Variants in PCYOX1 observed in about 807,000 individuals in gnomAD.
PCYOX1 encodes prenylcysteine lyase.
In PCYOX1, 46 loss-of-function variants were observed where a neutral mutation model predicts 46.4. The ratio of observed to expected loss-of-function variants is 0.99; its 90% confidence interval spans 0.78 to 1.27. The LOEUF (loss-of-function observed/expected upper bound fraction) is 1.27, where lower values mean the gene tolerates loss of function less well. PCYOX1 is among the 50% of genes most tolerant of loss of function. The pLI, the probability that PCYOX1 is intolerant of heterozygous loss-of-function variation, is 0.00. For missense variants in PCYOX1, 658 were observed against 628.3 expected (o/e 1.05, Z -0.51); for synonymous variants, 220 against 231.8 (o/e 0.95, Z 0.46).
At chr2:70,259,686 T>A (rs1696408560) in intron 2 of PCYOX1, 120 bp downstream of exon 2, 1 of 759,784 alleles carries the variant, frequency 1.3e-6, no homozygotes, top group Non-Finnish European at 2.2e-6. Flanking sequence ...TTGGTAAAAC[T>A]GTTTTCCTCA....
chr2:70,275,225 A>G, intron 4 of PCYOX1, 55 bp downstream of exon 4: 1 of 1,381,002 alleles, frequency 7.2e-7, no homozygotes, highest in Non-Finnish European at 1.0e-6. Flanking sequence ...GGCTTACCTG[A>G]TGCTATGGTG....
At chr2:70,275,740 T>A (rs1279929180) in intron 5 of PCYOX1, 74 bp downstream of exon 5, 4 of 1,304,696 alleles carry the variant, frequency 3.1e-6, no homozygotes, top group Non-Finnish European at 4.4e-6. Context: ...ACTTCTCTTC[T>A]GTCATCTCTT....
chr2:70,269,460 T>G (rs1331489192), intron 3 of PCYOX1, among the ~76,000 whole-genome samples: 1 of 151,790 alleles, frequency 6.6e-6, no homozygotes, highest in South Asian at 2.1e-4. Context: ...CTCAGCCTCC[T>G]GAGTAGGTGG....
intron 5 of PCYOX1, 124 bp downstream of exon 5, chr2:70,275,790 T>C: frequency 5.2e-6 from 5 of 955,978 alleles, no homozygotes; most frequent in Non-Finnish European, 7.9e-6. Flanking sequence ...TTGTATATAT[T>C]GTACCATATA....
In PCYOX1 at chr2:70,280,204, A is replaced by G. The variant is rs533596641; in HGVS notation, c.*2812A>G. The G allele has an allele frequency of 5.2e-5, 8 of 152,384 alleles. No individual in the cohort carries two copies. The highest frequency in any genetic ancestry group is 6.5e-5 in the Admixed American group (1 of 15,312). The allele number at this position is 152,384 out of a possible 1,614,324, so 9.4% of individuals were successfully genotyped here. A position where few individuals can be genotyped will look rare whatever the true frequency, so the allele number is the denominator to read the frequency against. ...AACAGGTTATCAATACACCAAGGAC[A>G]TCAAGTAGTTTTAATGCAACTACAG... On this transcript the variant is annotated 3_prime_UTR_variant, in exon 6 of 6. Coordinates refer to ENST00000433351, the MANE Select transcript of PCYOX1 (RefSeq NM_016297.4).
intron 3 of PCYOX1, among the ~76,000 whole-genome samples, chr2:70,269,906 C>G (rs1211183387): frequency 6.6e-6 from 1 of 152,194 alleles, no homozygotes; most frequent in Non-Finnish European, 1.5e-5. Context: ...TCGTTGTGTT[C>G]TCTCCAGTGG....
At chr2:70,266,450 T>C (rs1696524604) in intron 3 of PCYOX1, among the ~76,000 whole-genome samples, 1 of 151,698 alleles carries the variant, frequency 6.6e-6, no homozygotes, top group Non-Finnish European at 1.5e-5. Flanking sequence ...TACAGAACCG[T>C]AAGATTATAA....
intron 3 of PCYOX1, among the ~76,000 whole-genome samples, chr2:70,264,526 C>T (rs1361652367): frequency 2.0e-5 from 3 of 151,294 alleles, no homozygotes; most frequent in African/African-American, 7.3e-5. Flanking sequence ...GGGGTTTTAC[C>T]ATGTTGGCTA....
chr2:70,277,256 A>C lies in PCYOX1; in HGVS notation c.1382A>C (p.Glu461Ala). ...CGACTTTATTACCTCAATGGCATAG[A>C]GTGTGCAGCAAGTGCCATGGAGATG... is the stretch of plus-strand genomic sequence containing the variant. Reference protein sequence around the residue: ...HDRLYYLNGIECAASAMEMSA... With the variant: ...HDRLYYLNGIACAASAMEMSA... The change falls in exon 6 of 6, where the codon GAG becomes GCG. Residue 461 changes from glutamate to alanine, a missense_variant. Coordinates refer to ENST00000433351, the MANE Select transcript of PCYOX1 (RefSeq NM_016297.4). The C allele has an allele frequency of 6.2e-7, 1 of 1,614,162 alleles. No individual in the cohort carries two copies. The highest frequency in any genetic ancestry group is 1.3e-5 in the African/African-American group (1 of 75,044).
chr2:70,271,216 C>G (rs944207366), intron 3 of PCYOX1, among the ~76,000 whole-genome samples: 51 of 151,134 alleles, frequency 3.4e-4, no homozygotes, highest in African/African-American at 1.0e-3. Flanking sequence ...TACAGGCATG[C>G]CTCACCATGC....
chr2:70,263,051 T>G (rs1559034100), intron 3 of PCYOX1, among the ~76,000 whole-genome samples: 1 of 151,952 alleles, frequency 6.6e-6, no homozygotes, highest in Non-Finnish European at 1.5e-5. Flanking sequence ...CTGACCAACA[T>G]GGTAAAACCC....
rs759718566 is a variant in PCYOX1 at position 70,277,285 on chromosome 2, G to A, written c.1411G>A (p.Ala471Thr). 6.2e-7 allele frequency: 1 copy of A among 1,614,006 alleles called. No individual in the cohort carries two copies. Among genetic ancestry groups the A allele is most frequent in the East Asian group, 2.2e-5 (1 of 44,888 alleles). ...TGCAGCAAGTGCCATGGAGATGAGT[G>A]CCATTGCAGCCCACAACGCTGCACT... Reference protein sequence around the residue: ...ECAASAMEMSAIAAHNAALLA... With the variant: ...ECAASAMEMSTIAAHNAALLA... Residue 471 changes from alanine to threonine, a missense_variant, in exon 6 of 6, where the codon GCC (alanine) becomes ACC (threonine). By Grantham distance (58) the Ala-to-Thr change is moderately conservative. Transcript: ENST00000433351.
At chr2:70,268,998 T>A (rs916711684) in intron 3 of PCYOX1, among the ~76,000 whole-genome samples, 1 of 152,104 alleles carries the variant, frequency 6.6e-6, no homozygotes. Flanking sequence ...TACTGTGTTA[T>A]GGCAGTCTTG....
chr2:70,272,094 A>G (rs1158733389), intron 3 of PCYOX1, among the ~76,000 whole-genome samples: 2 of 151,584 alleles, frequency 1.3e-5, no homozygotes, highest in African/African-American at 2.4e-5. Context: ...TGCATGATCA[A>G]TCTATTATAT....
rs1182133285 is a variant in PCYOX1, at chr2:70,275,434, A to G, written c.707-80A>G. The G allele has an allele frequency of 3.6e-6, 5 of 1,402,118 alleles. No individual in the cohort carries two copies. The Admixed American group carries it at 9.1e-5, about 26-fold the overall frequency. 86.9% of individuals were successfully genotyped at this position (1,402,118 alleles called of 1,614,324 possible). On this transcript the variant is annotated intron_variant, in intron 4 of 5. Transcript: ENST00000433351. ...TGTCTAGAGACATTTGGAGTAGAAC[A>G]TGTAATTGGGAAGGGAGAGTGGGTA...
upstream of PCYOX1, chr2:70,257,985 T>C (rs1050180269): frequency 8.6e-6 from 4 of 464,572 alleles, no homozygotes; most frequent in Middle Eastern, 5.5e-4. Context: ...TGGCCCAGAG[T>C]GGGGAGCTCC....
chr2:70,258,355 C>T, intron 1 of PCYOX1, 79 bp downstream of exon 1: 1 of 880,448 alleles, frequency 1.1e-6, no homozygotes, highest in Non-Finnish European at 1.6e-6. Context: ...GCGCCCAGAT[C>T]CCACAGCCGC....
chr2:70,268,503 T>C (rs912440318), intron 3 of PCYOX1, among the ~76,000 whole-genome samples: 2 of 152,154 alleles, frequency 1.3e-5, no homozygotes, highest in Non-Finnish European at 2.9e-5. Context: ...ATGAGGTCTT[T>C]AGCGTAGACC....
chr2:70,258,432 G>C lies in PCYOX1; in HGVS notation c.112+156G>C, dbSNP rs1696380636. ...GCGCTTTCCCCCATTCACACTTCAG[G>C]GCGGCTTTCAGCTCTGGTCGGAATA... is the stretch of plus-strand genomic sequence containing the variant. On this transcript the variant is annotated intron_variant, in intron 1 of 5. Transcript: ENST00000433351. The C allele has an allele frequency of 1.5e-5, 8 of 545,074 alleles. No homozygotes were observed. In the East Asian group the frequency reaches 2.7e-4, roughly 19 times the overall value. The allele number at this position is 545,074 out of a possible 1,614,324, so 33.8% of individuals were successfully genotyped here.
Sources: allele counts gnomAD v4.1 joint callset (sites outside exome capture counted in the v4.1 genomes callset), GRCh38; gene constraint gnomAD v4.1.1; transcripts MANE v1.5; gene names NCBI Gene and HGNC (gene_info 2026-07-23, HGNC 2026-07-21).